Variants in FOXN3 observed in about 807,000 individuals in gnomAD.
FOXN3 encodes forkhead box protein N3.
FOXN3 carries 7 observed loss-of-function variants against 38.4 expected under a neutral mutation model. The observed-to-expected ratio is 0.18, with a 90% confidence interval of 0.10 to 0.34. The LOEUF (loss-of-function observed/expected upper bound fraction) is 0.34. Ranked by LOEUF, FOXN3 falls within the 10% of genes least tolerant of loss-of-function variation. The pLI, the probability that FOXN3 is intolerant of heterozygous loss-of-function variation, is 1.00. For missense variants in FOXN3, 456 were observed against 613.4 expected (o/e 0.74, Z 2.71); for synonymous variants, 230 against 242.2 (o/e 0.95, Z 0.47).
intron 4 of FOXN3, among the ~76,000 whole-genome samples, chr14:89,225,917 T>G (rs1348126011): frequency 6.6e-6 from 1 of 152,170 alleles, no homozygotes; most frequent in Non-Finnish European, 1.5e-5. Context: ...CTTTGAGACC[T>G]TGGTTCTCCA....
intron 1 of FOXN3, among the ~76,000 whole-genome samples, chr14:89,602,809 A>G (rs1020264896): frequency 3.9e-5 from 6 of 152,166 alleles, no homozygotes; most frequent in Non-Finnish European, 8.8e-5. Context: ...GACATTTTCA[A>G]AAGTCCAGCA....
rs567480148 is a variant in FOXN3, at chr14:89,611,465, G to A, written c.-15+7563C>T. Among the ~76,000 whole-genome samples the A allele has an allele frequency of 6.0e-4, 92 of 152,314 alleles. 1 individual carries two copies. The highest frequency in any genetic ancestry group is 9.1e-4 in the Admixed American group (14 of 15,304). On this transcript the variant is annotated intron_variant, in intron 1 of 6. Transcript: ENST00000345097. ...CTTTTTATTTACCAAGTAGGTAAAC[G>A]TGCTCAGGGATGGACGAAGAGAAAG...
intron 1 of FOXN3, among the ~76,000 whole-genome samples, chr14:89,608,989 T>A (rs578209665): frequency 3.4e-4 from 51 of 152,192 alleles, no homozygotes; most frequent in African/African-American, 1.2e-3. Context: ...ATGAAAGTGG[T>A]GACTGTACAA....
intron 3 of FOXN3, among the ~76,000 whole-genome samples, chr14:89,308,091 C>G (rs369687953): frequency 1.7e-4 from 26 of 152,208 alleles, no homozygotes; most frequent in Non-Finnish European, 3.5e-4. Context: ...ATGGTGAAAC[C>G]CTGTCTCTAC....
chr14:89,228,170 G>A (rs1341461991), intron 4 of FOXN3, among the ~76,000 whole-genome samples: 1 of 152,214 alleles, frequency 6.6e-6, no homozygotes, highest in African/African-American at 2.4e-5. Flanking sequence ...ACTGTTTGTG[G>A]TAATTGTTAT....
At chr14:89,257,716 C>T (rs1015059539) in intron 4 of FOXN3, among the ~76,000 whole-genome samples, 2 of 152,154 alleles carry the variant, frequency 1.3e-5, no homozygotes, top group Non-Finnish European at 2.9e-5. Context: ...CACCACTGTA[C>T]TCCGGCATGG....
At chr14:89,375,927 C>A (rs1890465589) in intron 2 of FOXN3, among the ~76,000 whole-genome samples, 1 of 152,016 alleles carries the variant, frequency 6.6e-6, no homozygotes, top group African/African-American at 2.4e-5. Context: ...ATTACAGGTG[C>A]CTGCCACCAT....
At chr14:89,313,895 C>G (rs903448704) in intron 3 of FOXN3, among the ~76,000 whole-genome samples, 4 of 152,114 alleles carry the variant, frequency 2.6e-5, no homozygotes, top group African/African-American at 9.7e-5. Flanking sequence ...AAAGGACAAA[C>G]ACTATATTAT....
intron 1 of FOXN3, among the ~76,000 whole-genome samples, chr14:89,496,611 C>T (rs928089983): frequency 1.3e-5 from 2 of 152,148 alleles, no homozygotes; most frequent in East Asian, 3.8e-4. Flanking sequence ...GCTGTCATCC[C>T]CCTACACCCC....
At chr14:89,167,592 A>G (rs1887275663) in intron 5 of FOXN3, among the ~76,000 whole-genome samples, 3 of 152,164 alleles carry the variant, frequency 2.0e-5, no homozygotes, top group Admixed American at 2.0e-4. Context: ...AGAAGAGATG[A>G]CCAAAGACTT....
At chr14:89,349,519 T>A (rs899646834) in intron 3 of FOXN3, 1 of 152,644 alleles carries the variant, frequency 6.6e-6, no homozygotes, top group Non-Finnish European at 1.5e-5. Flanking sequence ...ACAAACAGCC[T>A]TGTGATGCAA....
chr14:89,335,003 G>C (rs1181465767), intron 3 of FOXN3, among the ~76,000 whole-genome samples: 1 of 151,606 alleles, frequency 6.6e-6, no homozygotes, highest in African/African-American at 2.4e-5. Context: ...CTGACCCCAT[G>C]ATCTGCCCGC....
Position 89,250,676 on chromosome 14 carries a change from C to G in FOXN3, c.745+30274G>C, listed in dbSNP as rs73323139. Among the ~76,000 whole-genome samples the G allele has an allele frequency of 2.3e-3, 357 of 152,294 alleles. 1 individual carries two copies. The highest frequency in any genetic ancestry group is 8.3e-3 in the African/African-American group (345 of 41,554). ...TTCTGTCCCCAAACTCATATATGTT[C>G]CCGATATGGGTTGGCTGTGTCCCCA... On this transcript the variant is annotated intron_variant, in intron 4 of 5. Transcript: ENST00000557258.
intron 4 of FOXN3, among the ~76,000 whole-genome samples, chr14:89,219,091 T>C (rs1209772622): frequency 6.6e-6 from 1 of 152,236 alleles, no homozygotes; most frequent in Non-Finnish European, 1.5e-5. Flanking sequence ...CAGGCACTGA[T>C]ATGGTTTGGC....
intron 3 of FOXN3, among the ~76,000 whole-genome samples, chr14:89,329,486 A>C (rs1232784007): frequency 1.3e-5 from 2 of 152,094 alleles, no homozygotes; most frequent in African/African-American, 2.4e-5. Context: ...TGGGGGTGCT[A>C]CTGGTACCTG....
At chr14:89,546,773 A>G (rs749112589) in intron 1 of FOXN3, among the ~76,000 whole-genome samples, 1 of 151,988 alleles carries the variant, frequency 6.6e-6, no homozygotes, top group African/African-American at 2.4e-5. Context: ...ACACATACAC[A>G]CATATACATA....
At chr14:89,342,977 T>A (rs1888656810) in intron 3 of FOXN3, among the ~76,000 whole-genome samples, 1 of 152,220 alleles carries the variant, frequency 6.6e-6, no homozygotes, top group Non-Finnish European at 1.5e-5. Flanking sequence ...CTTGCAATCT[T>A]TCTTTATGCT....
intron 4 of FOXN3, among the ~76,000 whole-genome samples, chr14:89,234,594 G>T (rs952364085): frequency 2.0e-5 from 3 of 151,428 alleles, no homozygotes; most frequent in Admixed American, 6.6e-5. Context: ...ATGATATCTG[G>T]TTGTTTAAAA....
At chr14:89,486,839 A>T (rs1365208273) in intron 1 of FOXN3, among the ~76,000 whole-genome samples, 1 of 152,218 alleles carries the variant, frequency 6.6e-6, no homozygotes, top group East Asian at 1.9e-4. Flanking sequence ...AAAAGACTGG[A>T]TCTTTCACGA....
Sources: allele counts gnomAD v4.1 joint callset (sites outside exome capture counted in the v4.1 genomes callset), GRCh38; gene constraint gnomAD v4.1.1; transcripts MANE v1.5; gene names NCBI Gene and HGNC (gene_info 2026-07-23, HGNC 2026-07-21).